The following RIC8B variants were observed in gnomAD, a reference collection of about 807,000 sequenced individuals.
RIC8B encodes the protein RIC8 guanine nucleotide exchange factor B.
In RIC8B, 16 loss-of-function variants were observed where a neutral mutation model predicts 57.5. The observed-to-expected ratio is 0.28, with a 90% confidence interval of 0.19 to 0.42. The LOEUF is 0.42. Ranked by LOEUF, RIC8B falls within the 10% of genes least tolerant of loss-of-function variation. RIC8B has a pLI of 1.00. For synonymous variants in RIC8B, 216 were observed against 250.8 expected (o/e 0.86, Z 1.31); for missense variants, 481 against 677.0 (o/e 0.71, Z 3.21).
intron 4 of RIC8B, among the ~76,000 whole-genome samples, chr12:106,828,750 CA>C (rs2046224305): frequency 6.6e-6 from 1 of 152,184 alleles, no homozygotes; most frequent in East Asian, 1.9e-4. Context: ...TTATGATAAA[CA>C]TACTGGATTT....
chr12:106,780,426 C>T (rs548995306), intron 1 of RIC8B, among the ~76,000 whole-genome samples: 54 of 152,268 alleles, frequency 3.5e-4, no homozygotes, highest in Non-Finnish European at 6.3e-4. Flanking sequence ...CATTCATGTG[C>T]TAGAAGAACC....
intron 6 of RIC8B, among the ~76,000 whole-genome samples, chr12:106,850,533 C>G (rs1463599173): frequency 1.3e-5 from 2 of 152,142 alleles, no homozygotes; most frequent in Admixed American, 6.5e-5. Flanking sequence ...AAGAAAGTTT[C>G]ATAAGCCCTC....
chr12:106,848,082 G>A lies in RIC8B; in HGVS notation c.1162-3368G>A, dbSNP rs1408986622. Among the ~76,000 whole-genome samples, 9 of 152,176 alleles carry A rather than the reference G, an allele frequency of 5.9e-5. No individual in the cohort carries two copies. In the East Asian group the frequency reaches 1.5e-3, roughly 26 times the overall value. Reference sequence around the variant, plus strand: ...GGTGTTGCAAAAAGAGAGGGCTAAAGGTTAGTGATATGGAGTGGTCAGGGA... The same window carrying A: ...GGTGTTGCAAAAAGAGAGGGCTAAAAGTTAGTGATATGGAGTGGTCAGGGA... On this transcript the variant is annotated intron_variant, in intron 6 of 9. Transcript: ENST00000392837.
intron 6 of RIC8B, among the ~76,000 whole-genome samples, chr12:106,850,458 G>A (rs1210879187): frequency 6.6e-6 from 1 of 152,194 alleles, no homozygotes; most frequent in African/African-American, 2.4e-5. Flanking sequence ...GATAGGAGGA[G>A]GACCAGGAGA....
intron 4 of RIC8B, among the ~76,000 whole-genome samples, chr12:106,826,427 T>C (rs1236965312): frequency 1.3e-5 from 2 of 152,202 alleles, no homozygotes; most frequent in Non-Finnish European, 2.9e-5. Flanking sequence ...TAAAAAAACT[T>C]GTAAGAATTA....
intron 6 of RIC8B, among the ~76,000 whole-genome samples, chr12:106,850,055 A>G (rs1226881877): frequency 6.6e-6 from 1 of 152,246 alleles, no homozygotes; most frequent in East Asian, 1.9e-4. Context: ...CTACTGTCGT[A>G]TCAGCTGGTG....
chr12:106,858,569 A>G (rs1949802032), intron 7 of RIC8B, among the ~76,000 whole-genome samples: 1 of 152,110 alleles, frequency 6.6e-6, no homozygotes, highest in African/African-American at 2.4e-5. Flanking sequence ...CACTGATGCC[A>G]AGAGAGAGCA....
At chr12:106,847,625 C>T (rs1949265195) in intron 6 of RIC8B, among the ~76,000 whole-genome samples, 1 of 152,086 alleles carries the variant, frequency 6.6e-6, no homozygotes, top group Non-Finnish European at 1.5e-5. Context: ...AGCTGTGTCT[C>T]CCCTGCCTCT....
At chr12:106,807,128 C>T (rs1020077725) in intron 2 of RIC8B, among the ~76,000 whole-genome samples, 2 of 152,198 alleles carry the variant, frequency 1.3e-5, no homozygotes, top group South Asian at 2.1e-4. Context: ...TCTCCCTCTC[C>T]GCTGCTACCA....
At chr12:106,864,999 GAAT>G (rs1330977478) in intron 8 of RIC8B, among the ~76,000 whole-genome samples, 1 of 152,112 alleles carries the variant, frequency 6.6e-6, no homozygotes, top group East Asian at 1.9e-4. Context: ...AGTTTCAGCT[GAAT>G]AATATTCCAT....
chr12:106,886,296 G>A lies in RIC8B; in HGVS notation c.*281G>A, dbSNP rs1951181722. 1 of 293,656 alleles carries A rather than the reference G, an allele frequency of 3.4e-6. No individual in the cohort carries two copies. Among genetic ancestry groups the A allele is most frequent in the Non-Finnish European group, 6.3e-6 (1 of 158,820 alleles). The allele number at this position is 293,656 out of a possible 1,614,324, so 18.2% of individuals were successfully genotyped here. On this transcript the variant is annotated 3_prime_UTR_variant, in exon 10 of 10. Transcript: ENST00000392837. ...ACTGAAGGATTTTATTCTATAAAGC[G>A]GCCCTGGTTGAATCTGGCAATTCTT...
At chr12:106,778,644 C>G (rs958438362) in intron 1 of RIC8B, among the ~76,000 whole-genome samples, 1 of 152,146 alleles carries the variant, frequency 6.6e-6, no homozygotes, top group African/African-American at 2.4e-5. Context: ...GGCTCAAGGT[C>G]ACATAGCTAA....
chr12:106,849,117 A>G (rs1949342768), intron 6 of RIC8B, among the ~76,000 whole-genome samples: 1 of 152,086 alleles, frequency 6.6e-6, no homozygotes. Flanking sequence ...AACAGCTAAA[A>G]GAGTGTAATT....
At chr12:106,779,087 A>C (rs982515695) in intron 1 of RIC8B, among the ~76,000 whole-genome samples, 4 of 151,942 alleles carry the variant, frequency 2.6e-5, no homozygotes, top group African/African-American at 9.7e-5. Flanking sequence ...CTAATTTTGT[A>C]TCTTTAGTAG....
chr12:106,810,370 C>T (rs946310860), intron 2 of RIC8B, among the ~76,000 whole-genome samples: 2 of 151,384 alleles, frequency 1.3e-5, no homozygotes, highest in Non-Finnish European at 2.9e-5. Context: ...ATTTAAAAGC[C>T]ACTACAATAC....
chr12:106,825,632 T>C lies in RIC8B; in HGVS notation c.742-94T>C, dbSNP rs1296833218. The C allele has an allele frequency of 7.1e-6, 6 of 843,792 alleles. No individual in the cohort carries two copies. In the East Asian group the frequency reaches 1.5e-4, roughly 21 times the overall value. 52.3% of individuals were successfully genotyped at this position (843,792 alleles called of 1,614,324 possible). ...TCTAAAATGTATGGTATAAGAATGC[T>C]TGTTTGGGGTGGGCAAGAGATGTAG... On this transcript the variant is annotated intron_variant, in intron 3 of 9. Coordinates refer to ENST00000392837, the MANE Select transcript of RIC8B (RefSeq NM_001330145.2).
chr12:106,853,260 G>C (rs751811097), intron 7 of RIC8B, among the ~76,000 whole-genome samples: 1 of 151,292 alleles, frequency 6.6e-6, no homozygotes, highest in Non-Finnish European at 1.5e-5. Flanking sequence ...TCACATTACC[G>C]ATGAGTATCA....
rs535771976 is a variant in RIC8B, at chr12:106,879,442, A to G, written c.1572-6462A>G. Reference sequence around the variant, plus strand: ...AGCCCTAAAAAGCAGAACCTTCTCTAAGGTGCTGAGAAGTCATATAAGCCC... The same window carrying G: ...AGCCCTAAAAAGCAGAACCTTCTCTGAGGTGCTGAGAAGTCATATAAGCCC... On this transcript the variant is annotated intron_variant, in intron 9 of 9. Coordinates refer to ENST00000392837, the MANE Select transcript of RIC8B (RefSeq NM_001330145.2). The surrounding 1 kb of genome is among the most constrained non-coding windows in gnomAD (Gnocchi z 4.9). 1 of 985,304 alleles carries G rather than the reference A, an allele frequency of 1.0e-6. No homozygotes were observed. The highest frequency in any genetic ancestry group is 1.2e-6 in the Non-Finnish European group (1 of 829,896). The allele number at this position is 985,304 out of a possible 1,614,324, so 61.0% of individuals were successfully genotyped here. A position where few individuals can be genotyped will look rare whatever the true frequency, so the allele number is the denominator to read the frequency against.
chr12:106,860,408 C>T lies in RIC8B; in HGVS notation c.1447C>T (p.Pro483Ser), dbSNP rs1172793982. The change falls in exon 8 of 10, where the codon CCA becomes TCA. Residue 483 changes from proline to serine, a missense_variant. Around this residue, in one of 3 missense-constraint regions of RIC8B, gnomAD observed 43 missense variants for 99.8 expected, o/e 0.43. Transcript: ENST00000392837. ...CACTGAAGAATACAAAAATGCAAAA[C>T]CAAAGTATAGTATCAAATTTCTTTT... The part of the protein sequence containing the change: ...TDTEEYKNAK[P>S]NINLITGHLE... The T allele has an allele frequency of 6.4e-7, 1 of 1,556,570 alleles. No individual in the cohort carries two copies. Among genetic ancestry groups the T allele is most frequent in the South Asian group, 1.2e-5 (1 of 82,584 alleles).
Sources: gnomAD v4.1 joint callset for allele counts (sites outside exome capture counted in the v4.1 genomes callset) on GRCh38, gnomAD v4.1.1 for gene constraint, gnomAD v4.1.1 regional missense constraint, Gnocchi (gnomAD v3.1) non-coding constraint, MANE v1.5 for transcripts, NCBI Gene and HGNC (gene_info 2026-07-23, HGNC 2026-07-21) for gene names.